The following KCND3 variants were observed in gnomAD, a reference collection of about 807,000 sequenced individuals.
The protein encoded by KCND3 is potassium voltage-gated channel subfamily D member 3.
In KCND3, 9 loss-of-function variants were observed where a neutral mutation model predicts 51.1. The ratio of observed to expected loss-of-function variants is 0.18; its 90% CI spans 0.11 to 0.31. The LOEUF is 0.31. Ranked by LOEUF, KCND3 falls within the 10% of genes least tolerant of loss-of-function variation. The pLI is 1.00. For missense variants in KCND3, 526 were observed against 903.8 expected, an observed-to-expected ratio of 0.58 and a Z score of 5.36; for synonymous variants, 349 against 368.0, an observed-to-expected ratio of 0.95 and a Z score of 0.59.
At chr1:111,882,196 G>A (rs772086219) in intron 2 of KCND3, among the ~76,000 whole-genome samples, 4 of 152,200 alleles carry the variant, frequency 2.6e-5, no homozygotes, top group African/African-American at 4.8e-5. Flanking sequence ...CCCAACTTAG[G>A]AGGATCAATG....
chr1:111,801,118 T>C (rs1265558929), intron 2 of KCND3, among the ~76,000 whole-genome samples: 2 of 152,162 alleles, frequency 1.3e-5, no homozygotes, highest in South Asian at 2.1e-4. Flanking sequence ...TAGCACACAT[T>C]CCTCAGAAAG....
intron 2 of KCND3, among the ~76,000 whole-genome samples, chr1:111,911,735 A>C (rs189351497): frequency 6.6e-6 from 1 of 152,370 alleles, no homozygotes; most frequent in Admixed American, 6.5e-5. Context: ...CAGCCATGAT[A>C]AAAAGAACTG....
chr1:111,981,704 A>G lies in KCND3; in HGVS notation c.1023T>C (p.Tyr341=). ...AIIIFATVMF[Y]AEKGSSASKF... is the part of the protein sequence containing the mutation. ...TGCTGGCCGAGGAGCCCTTCTCGGC[A>G]TAAAACATCACAGTGGCAAAGATGA... The change falls in exon 2 of 8, where the codon TAT becomes TAC. Residue 341 remains tyrosine, a synonymous_variant. Transcript: ENST00000302127. This position sits in a 1 kb window ranked among gnomAD's most constrained non-coding sequence, Gnocchi z 6.2. 3 of 1,614,186 alleles carry G rather than the reference A, an allele frequency of 1.9e-6. No homozygotes were observed. The South Asian group carries it at 3.3e-5, about 18-fold the overall frequency.
At chr1:111,847,759 G>T (rs1324115867) in intron 2 of KCND3, among the ~76,000 whole-genome samples, 1 of 152,196 alleles carries the variant, frequency 6.6e-6, no homozygotes, top group Non-Finnish European at 1.5e-5. Context: ...GCTGGAGAGG[G>T]AGGATGGCGG....
At position 111,777,205 on chromosome 1, in the gene KCND3, T is replaced by C. The variant is rs1037541026; in HGVS notation, c.1587A>G (p.Pro529=). The change falls in exon 7 of 8, where the codon CCA becomes CCG. Residue 529 remains proline, a synonymous_variant. Transcript: ENST00000302127. ...TGGACAGTGAGGGACTTCTTGTGGA[T>C]GGGTAGTTCTGCATTGAACTCTCCA... is the stretch of plus-strand genomic sequence containing the variant. ...NCMESSMQNY[P]STRSPSLSSH... The C allele has an allele frequency of 1.2e-6, 2 of 1,614,168 alleles. No homozygotes were observed. The highest frequency in any genetic ancestry group is 1.7e-5 in the Admixed American group (1 of 60,026).
intron 2 of KCND3, among the ~76,000 whole-genome samples, chr1:111,880,179 G>C (rs1235986224): frequency 6.6e-6 from 1 of 152,102 alleles, no homozygotes; most frequent in Non-Finnish European, 1.5e-5. Flanking sequence ...GGTATTCTAA[G>C]AATTATATAT....
At chr1:111,933,056 A>G (rs1672054963) in intron 2 of KCND3, among the ~76,000 whole-genome samples, 1 of 152,196 alleles carries the variant, frequency 6.6e-6, no homozygotes, top group Non-Finnish European at 1.5e-5. Context: ...TAATCAGATT[A>G]TGGGGGCGGT....
chr1:111,780,524 T>G lies in KCND3; in HGVS notation c.1371+166A>C, dbSNP rs1208295536. 4.6e-5 allele frequency among the ~76,000 whole-genome samples: 7 copies of G among 152,084 alleles called. No individual in the cohort carries two copies. Among genetic ancestry groups the G allele is most frequent in the Non-Finnish European group, 4.4e-5 (3 of 68,000 alleles). On this transcript the variant is annotated intron_variant, in intron 4 of 7. Coordinates refer to ENST00000302127, the MANE Select transcript of KCND3 (RefSeq NM_001378969.1). This position sits in a 1 kb window ranked among gnomAD's most constrained non-coding sequence, Gnocchi z 4.2. ...TTTAGAGGTAGTGGTGATAATCCTA[T>G]GGAAGTGGTGTGTGAATGGGGGGCT... is the stretch of plus-strand genomic sequence containing the variant.
chr1:111,980,203 A>AGAGTGTGT (rs559378807), intron 2 of KCND3, among the ~76,000 whole-genome samples: 6 of 143,048 alleles, frequency 4.2e-5, no homozygotes, highest in African/African-American at 7.8e-5. Context: ...CCATTTGAAG[A>AGAGTGTGT]GTGTGTGTGT....
Position 111,775,819 on chromosome 1 carries a change from A to AGCCCC in KCND3, c.*257_*258insGGGGC. ...GCCTATATCCCCCGGCCTATCCCCG[A>AGCCCC]CCCCCCCACCCTCCCTCCCTTCCTC... On this transcript the variant is annotated 3_prime_UTR_variant, in exon 8 of 8. Coordinates refer to ENST00000302127, the MANE Select transcript of KCND3 (RefSeq NM_001378969.1). The AGCCCC allele has an allele frequency of 9.2e-5, 9 of 97,706 alleles. No individual in the cohort carries two copies. Among genetic ancestry groups the AGCCCC allele is most frequent in the South Asian group, 1.9e-4 (1 of 5,202 alleles). 6.1% of individuals were successfully genotyped at this position (97,706 alleles called of 1,614,324 possible).
chr1:111,818,596 G>C (rs1170291881), intron 2 of KCND3, among the ~76,000 whole-genome samples: 1 of 152,200 alleles, frequency 6.6e-6, no homozygotes, highest in African/African-American at 2.4e-5. Context: ...GAATCCCAGG[G>C]GAACAGATGG....
intron 2 of KCND3, among the ~76,000 whole-genome samples, chr1:111,935,735 G>A (rs537303349): frequency 7.2e-5 from 11 of 152,296 alleles, no homozygotes; most frequent in Non-Finnish European, 1.5e-4. Context: ...AAATTGAGGG[G>A]CAAACTTACC....
intron 2 of KCND3, among the ~76,000 whole-genome samples, chr1:111,974,261 C>T (rs970549196): frequency 6.6e-6 from 1 of 152,142 alleles, no homozygotes; most frequent in Non-Finnish European, 1.5e-5. Context: ...TTTGGATACC[C>T]AAAAGCATTG....
intron 2 of KCND3, among the ~76,000 whole-genome samples, chr1:111,917,768 C>A (rs1353313225): frequency 6.6e-6 from 1 of 152,194 alleles, no homozygotes; most frequent in Non-Finnish European, 1.5e-5. Context: ...CTGTGCAATA[C>A]CAGGAGTAGT....
chr1:111,914,725 A>G (rs529217240), intron 2 of KCND3, among the ~76,000 whole-genome samples: 1 of 152,364 alleles, frequency 6.6e-6, no homozygotes, highest in South Asian at 2.1e-4. Flanking sequence ...CAAAGCTGAG[A>G]TAAGTCATCA....
At chr1:111,983,258 C>A (rs187059844) in intron 1 of KCND3, among the ~76,000 whole-genome samples, 1 of 152,268 alleles carries the variant, frequency 6.6e-6, no homozygotes, top group East Asian at 1.9e-4. Flanking sequence ...TAATCAGGAA[C>A]GGGGTGTAGA....
intron 2 of KCND3, among the ~76,000 whole-genome samples, chr1:111,954,510 A>C (rs1296648882): frequency 1.3e-5 from 2 of 152,230 alleles, no homozygotes; most frequent in African/African-American, 2.4e-5. Context: ...GAATTGCCTC[A>C]ACCCAATAAA....
intron 3 of KCND3, among the ~76,000 whole-genome samples, chr1:111,781,221 T>C (rs1235832834): frequency 6.6e-6 from 1 of 152,230 alleles, no homozygotes; most frequent in African/African-American, 2.4e-5. Context: ...CTGCATATAG[T>C]AGGTCCCCAA....
chr1:111,939,428 G>T (rs1303808618), intron 2 of KCND3, among the ~76,000 whole-genome samples: 1 of 151,970 alleles, frequency 6.6e-6, no homozygotes, highest in Non-Finnish European at 1.5e-5. Context: ...CCCTTCCTGT[G>T]CCCATATGTT....
Sources: allele counts gnomAD v4.1 joint callset (sites outside exome capture counted in the v4.1 genomes callset), GRCh38; gene constraint gnomAD v4.1.1; non-coding constraint Gnocchi (gnomAD v3.1); transcripts MANE v1.5; gene names NCBI Gene and HGNC (gene_info 2026-07-23, HGNC 2026-07-21).